The following REV3L variants were observed in gnomAD, a reference collection of about 807,000 sequenced individuals.
The protein encoded by REV3L is DNA polymerase zeta catalytic subunit.
A neutral mutation model predicts 299.4 loss-of-function variants in REV3L; 69 were observed. The observed-to-expected ratio is 0.23, with a 90% CI of 0.19 to 0.28. REV3L has a LOEUF of 0.28. REV3L is among the 10% of genes least tolerant of loss of function. The pLI is 1.00. For synonymous variants in REV3L, 1,238 were observed against 1,271.4 expected (o/e 0.97, Z 0.56); for missense variants, 3,128 against 3,693.8 (o/e 0.85, Z 3.97).
intron 1 of REV3L, among the ~76,000 whole-genome samples, chr6:111,453,680 A>T (rs533607344): frequency 6.6e-6 from 1 of 152,228 alleles, no homozygotes; most frequent in East Asian, 1.9e-4. Flanking sequence ...TAAATATGTG[A>T]TATTTTAAAG....
At chr6:111,318,752 T>C (rs945204582) in intron 26 of REV3L, among the ~76,000 whole-genome samples, 13 of 151,944 alleles carry the variant, frequency 8.6e-5, no homozygotes, top group African/African-American at 3.1e-4. Context: ...GTATTTTTAG[T>C]AGAGACGGGG....
chr6:111,471,377 A>G (rs748931100), intron 1 of REV3L, among the ~76,000 whole-genome samples: 5 of 152,212 alleles, frequency 3.3e-5, no homozygotes, highest in Non-Finnish European at 7.3e-5. Context: ...TAGACTGTAG[A>G]TATGTCACTA....
Position 111,351,579 on chromosome 6 carries a change from A to C in REV3L, c.7300+97T>G, listed in dbSNP as rs1777571506. The C allele has an allele frequency of 5.2e-6, 4 of 764,978 alleles. No homozygotes were observed. In the Admixed American group the frequency reaches 1.1e-4, roughly 22 times the overall value. The allele number at this position is 764,978 out of a possible 1,614,324, so 47.4% of individuals were successfully genotyped here. ...AACTTACACAACTTAGTACTAAAAAATTGGGCTACAGCATAAGTACTCTTT... is the reference window on the plus strand; with the variant it reads ...AACTTACACAACTTAGTACTAAAAACTTGGGCTACAGCATAAGTACTCTTT... On this transcript the variant is annotated intron_variant, in intron 19 of 31. Coordinates refer to ENST00000368802, the MANE Select transcript of REV3L (RefSeq NM_001372078.1).
intron 1 of REV3L, among the ~76,000 whole-genome samples, chr6:111,438,395 TTTTTA>T (rs904111347): frequency 6.6e-6 from 1 of 151,922 alleles, no homozygotes; most frequent in Non-Finnish European, 1.5e-5. Context: ...AAATATAGTA[TTTTTA>T]TTTTAATTAT....
At chr6:111,464,344 C>A (rs1303192847) in intron 1 of REV3L, among the ~76,000 whole-genome samples, 1 of 152,070 alleles carries the variant, frequency 6.6e-6, no homozygotes, top group Admixed American at 6.6e-5. Flanking sequence ...GTGAACTTGC[C>A]ATACCCTACC....
intron 1 of REV3L, among the ~76,000 whole-genome samples, chr6:111,445,570 G>C (rs1157870833): frequency 6.6e-6 from 1 of 152,172 alleles, no homozygotes; most frequent in Non-Finnish European, 1.5e-5. Context: ...GAACACCTAA[G>C]TGTGTACAAG....
chr6:111,339,505 C>G (rs1407128192), intron 21 of REV3L, among the ~76,000 whole-genome samples: 1 of 151,974 alleles, frequency 6.6e-6, no homozygotes, highest in African/African-American at 2.4e-5. Flanking sequence ...GAAATGAATG[C>G]TTATTCATTT....
chr6:111,396,448 TTTTC>T (rs1453521923), intron 4 of REV3L, among the ~76,000 whole-genome samples: 1 of 152,028 alleles, frequency 6.6e-6, no homozygotes, highest in African/African-American at 2.4e-5. Flanking sequence ...TGACCTGTAG[TTTTC>T]TTTTTTTGTT....
chr6:111,388,544 T>G (rs752972100), intron 7 of REV3L, among the ~76,000 whole-genome samples: 21 of 152,194 alleles, frequency 1.4e-4, no homozygotes, highest in Non-Finnish European at 2.8e-4. Context: ...TGTCGTTCAC[T>G]CTTTTACCTT....
At chr6:111,351,989 GAAGCTAC>G (rs1777613863) in intron 18 of REV3L, among the ~76,000 whole-genome samples, 198 bp from the exon 19 acceptor site, 1 of 151,738 alleles carries the variant, frequency 6.6e-6, no homozygotes, top group Non-Finnish European at 1.5e-5. Context: ...TACTTGATTT[GAAGCTAC>G]TTTGTTTCTT....
chr6:111,411,338 T>C, intron 3 of REV3L, 142 bp downstream of exon 3: 1 of 595,236 alleles, frequency 1.7e-6, no homozygotes, highest in Non-Finnish European at 3.0e-6. Context: ...CACTGGTCTC[T>C]CTCTATACAC....
chr6:111,480,540 C>T (rs189759472), intron 1 of REV3L, among the ~76,000 whole-genome samples: 40 of 152,078 alleles, frequency 2.6e-4, no homozygotes, highest in Middle Eastern at 3.4e-3. Context: ...GAGTTTCTGA[C>T]GTGCTAATAA....
intron 2 of REV3L, among the ~76,000 whole-genome samples, chr6:111,413,952 A>G (rs912534490): frequency 3.3e-5 from 5 of 152,108 alleles, no homozygotes; most frequent in Non-Finnish European, 5.9e-5. Context: ...TAAAGTAGAT[A>G]ATTATCCCTA....
At chr6:111,470,356 T>C (rs1006176451) in intron 1 of REV3L, among the ~76,000 whole-genome samples, 3 of 152,238 alleles carry the variant, frequency 2.0e-5, no homozygotes, top group African/African-American at 7.2e-5. Context: ...ATACATGTTT[T>C]CTCATTTAAT....
chr6:111,307,846 T>A (rs1772502797), intron 30 of REV3L: 2 of 372,588 alleles, frequency 5.4e-6, no homozygotes, highest in Admixed American at 4.2e-5. Flanking sequence ...GCAGGTTTGT[T>A]ACATATGTAT....
At chr6:111,437,520 T>G (rs936110495) in intron 1 of REV3L, among the ~76,000 whole-genome samples, 1 of 151,326 alleles carries the variant, frequency 6.6e-6, no homozygotes, top group Non-Finnish European at 1.5e-5. Context: ...ATACAATTTT[T>G]AATTAAAATA....
intron 11 of REV3L, among the ~76,000 whole-genome samples, chr6:111,379,429 C>T (rs1780610843): frequency 6.6e-6 from 1 of 152,184 alleles, no homozygotes; most frequent in South Asian, 2.1e-4. Context: ...GAGCATATAA[C>T]TAAAGGGCAG....
chr6:111,300,222 T>G, intron 31 of REV3L, 66 bp from the exon 32 acceptor site: 2 of 1,307,484 alleles, frequency 1.5e-6, no homozygotes, highest in Non-Finnish European at 2.1e-6. Flanking sequence ...AAACAACAAA[T>G]TTTTATAATC....
At chr6:111,379,120 A>G (rs1780582479) in intron 11 of REV3L, among the ~76,000 whole-genome samples, 1 of 152,238 alleles carries the variant, frequency 6.6e-6, no homozygotes, top group Non-Finnish European at 1.5e-5. Flanking sequence ...ACATACAAAC[A>G]TAAATTTAAT....
Sources: gnomAD v4.1 joint callset for allele counts (sites outside exome capture counted in the v4.1 genomes callset) on GRCh38, gnomAD v4.1.1 for gene constraint, MANE v1.5 for transcripts, NCBI Gene and HGNC (gene_info 2026-07-23, HGNC 2026-07-21) for gene names.